The following ZFHX3 variants were observed in gnomAD, a reference collection of about 807,000 sequenced individuals.
The protein encoded by ZFHX3 is zinc finger homeobox protein 3.
Under a neutral mutation model 279.1 loss-of-function variants are expected in ZFHX3, and 42 were observed. That is an observed-to-expected ratio of 0.15 (90% CI 0.12 to 0.19). The LOEUF is 0.19. Ranked by LOEUF, ZFHX3 falls within the 10% of genes least tolerant of loss-of-function variation. The probability of loss-of-function intolerance (pLI) is 1.00; values close to 1 mark genes in which losing one functional copy is unlikely to be tolerated. For missense variants in ZFHX3, 4,981 were observed against 4,754.0 expected (o/e 1.05, Z -1.40); for synonymous variants, 2,293 against 1,957.8 (o/e 1.17, Z -4.52).
chr16:72,822,772 A>G (rs1316592530), intron 5 of ZFHX3, among the ~76,000 whole-genome samples: 1 of 147,222 alleles, frequency 6.8e-6, no homozygotes, highest in Non-Finnish European at 1.5e-5. Flanking sequence ...GTGATTACAT[A>G]TGACAACACT....
At chr16:73,272,017 C>T (rs2014159073) in intron 4 of ZFHX3, among the ~76,000 whole-genome samples, 1 of 152,170 alleles carries the variant, frequency 6.6e-6, no homozygotes, top group Non-Finnish European at 1.5e-5. Flanking sequence ...AGACAAGCAA[C>T]CCATACCTCA....
chr16:73,258,500 C>T (rs1459426263), intron 4 of ZFHX3, among the ~76,000 whole-genome samples: 1 of 151,964 alleles, frequency 6.6e-6, no homozygotes, highest in Non-Finnish European at 1.5e-5. Context: ...CAGGCGCCCA[C>T]CACCACACCT....
At chr16:73,628,501 T>C (rs1484505000) in intron 2 of ZFHX3, among the ~76,000 whole-genome samples, 1 of 152,170 alleles carries the variant, frequency 6.6e-6, no homozygotes, top group African/African-American at 2.4e-5. Context: ...CTTGAACCAT[T>C]TAAATCCTGA....
intron 4 of ZFHX3, among the ~76,000 whole-genome samples, chr16:73,312,742 G>A (rs2015354703): frequency 6.6e-6 from 1 of 152,294 alleles, no homozygotes; most frequent in African/African-American, 2.4e-5. Context: ...AGGAAATACA[G>A]GCTCAGGGAA....
chr16:73,813,498 A>G (rs908372540), intron 1 of ZFHX3, among the ~76,000 whole-genome samples: 1 of 152,032 alleles, frequency 6.6e-6, no homozygotes, highest in Non-Finnish European at 1.5e-5. Context: ...CCATTTCAGT[A>G]AAACAAAAAA....
chr16:73,729,982 T>A (rs1160704285), intron 1 of ZFHX3, among the ~76,000 whole-genome samples: 1 of 152,136 alleles, frequency 6.6e-6, no homozygotes, highest in Non-Finnish European at 1.5e-5. Context: ...TCAAACCAAA[T>A]GGGATTAACT....
At chr16:73,004,158 A>ATTTTTTTTTT (rs1567627941) in intron 1 of ZFHX3, among the ~76,000 whole-genome samples, 7 of 51,300 alleles carry the variant, frequency 1.4e-4, no homozygotes, top group African/African-American at 4.3e-4. Context: ...TAAAAACACG[A>ATTTTTTTTTT]CTTTTTTTTT....
chr16:72,999,076 T>G (rs1963398291), intron 1 of ZFHX3, among the ~76,000 whole-genome samples: 1 of 152,244 alleles, frequency 6.6e-6, no homozygotes, highest in Admixed American at 6.5e-5. Context: ...TCTGAATTAT[T>G]TCTGCCCTAG....
intron 3 of ZFHX3, among the ~76,000 whole-genome samples, chr16:73,322,602 T>G (rs898107871): frequency 6.6e-6 from 1 of 152,108 alleles, no homozygotes; most frequent in East Asian, 1.9e-4. Flanking sequence ...TTGGGAAGTG[T>G]TTTTGTAGGG....
rs1694510516 is a variant in ZFHX3 at position 72,786,790 on chromosome 16, T to A, written c.*374A>T. On this transcript the variant is annotated 3_prime_UTR_variant, in exon 10 of 10. Transcript: ENST00000268489. ...TCCCATACAGTGCATGCCGGGCTCC[T>A]CTGTGCTATCAGCGTGGGGCGTTTA... The A allele has an allele frequency of 6.5e-6, 1 of 154,014 alleles. No homozygotes were observed. Among genetic ancestry groups the A allele is most frequent in the Non-Finnish European group, 1.4e-5 (1 of 69,160 alleles). 9.5% of individuals were successfully genotyped at this position (154,014 alleles called of 1,614,324 possible).
At chr16:73,006,450 C>T (rs1327534850) in intron 1 of ZFHX3, among the ~76,000 whole-genome samples, 2 of 151,844 alleles carry the variant, frequency 1.3e-5, no homozygotes, top group Non-Finnish European at 2.9e-5. Context: ...TAGTGAGACC[C>T]CAATCTCTAT....
At chr16:73,426,035 ACCCATAGCACTCACC>A (rs1402123287) in intron 3 of ZFHX3, among the ~76,000 whole-genome samples, 1 of 151,786 alleles carries the variant, frequency 6.6e-6, no homozygotes, top group African/African-American at 2.4e-5. Flanking sequence ...CTTCCAGCCA[ACCCATAGCACTCACC>A]CTTGGGCCCT....
At chr16:73,608,635 C>T (rs1460890040) in intron 2 of ZFHX3, 1 of 152,002 alleles carries the variant, frequency 6.6e-6, no homozygotes. Context: ...AATGCGTTCT[C>T]GTGTCTTTTC....
chr16:73,362,046 A>G lies in ZFHX3; in HGVS notation c.-1290-43710T>C, dbSNP rs112009059. ...TCATATCCTCATGGAGAAGAACTCC[A>G]TCTGGGACAACTTGTTCCAGCATGA... On this transcript the variant is annotated intron_variant, in intron 3 of 17. Transcript: ENST00000641206. 7.3e-3 allele frequency among the ~76,000 whole-genome samples: 1,105 copies of G among 152,334 alleles called. 8 individuals carry two copies. Among genetic ancestry groups the G allele is most frequent in the African/African-American group, 0.025 (1,058 of 41,576 alleles).
intron 4 of ZFHX3, among the ~76,000 whole-genome samples, chr16:73,260,292 G>C (rs1302796748): frequency 2.0e-5 from 3 of 152,168 alleles, no homozygotes; most frequent in Non-Finnish European, 2.9e-5. Flanking sequence ...CTTGGTTAGA[G>C]TGGTGTCTGC....
intron 4 of ZFHX3, 124 bp downstream of exon 4, chr16:72,889,607 C>G: frequency 1.2e-6 from 1 of 867,230 alleles, no homozygotes; most frequent in Non-Finnish European, 1.8e-6. Context: ...CCTGTGAAGT[C>G]AGTAAGGAAC....
chr16:73,284,561 A>T (rs1567439656), intron 4 of ZFHX3, among the ~76,000 whole-genome samples: 1 of 152,192 alleles, frequency 6.6e-6, no homozygotes, highest in Non-Finnish European at 1.5e-5. Context: ...GTCACCGAGT[A>T]TGAAATACTC....
chr16:73,839,810 G>A (rs917961027), intron 1 of ZFHX3, among the ~76,000 whole-genome samples: 1 of 152,138 alleles, frequency 6.6e-6, no homozygotes, highest in African/African-American at 2.4e-5. Flanking sequence ...ACAGGTTCAC[G>A]ACTCCACCCA....
intron 3 of ZFHX3, among the ~76,000 whole-genome samples, chr16:72,926,977 A>G (rs1394904282): frequency 6.6e-6 from 1 of 152,244 alleles, no homozygotes; most frequent in Admixed American, 6.5e-5. Context: ...CAGGAGACAG[A>G]GAACAGGGTG....
Sources: allele counts gnomAD v4.1 joint callset (sites outside exome capture counted in the v4.1 genomes callset), GRCh38; gene constraint gnomAD v4.1.1; transcripts MANE v1.5; gene names NCBI Gene and HGNC (gene_info 2026-07-23, HGNC 2026-07-21).